SGMS1: variants seen among roughly 807,000 people sequenced by gnomAD.
SGMS1 encodes phosphatidylcholine:ceramide cholinephosphotransferase 1.
Under a neutral mutation model 46.2 loss-of-function variants are expected in SGMS1, and 13 were observed. The observed-to-expected ratio is 0.28, with a 90% CI of 0.18 to 0.45. The LOEUF (loss-of-function observed/expected upper bound fraction) is 0.45. SGMS1 is among the 20% of genes least tolerant of loss of function. SGMS1 has a pLI of 1.00. For synonymous variants in SGMS1, 203 were observed against 187.8 expected, an observed-to-expected ratio of 1.08 and a Z score of -0.66; for missense variants, 324 against 519.9, an observed-to-expected ratio of 0.62 and a Z score of 3.66.
intron 6 of SGMS1, among the ~76,000 whole-genome samples, chr10:50,355,991 C>T (rs549902653): frequency 8.5e-5 from 13 of 152,086 alleles, no homozygotes; most frequent in East Asian, 5.8e-4. Context: ...GGAGCCCCTC[C>T]GCTCGGCAGC....
In SGMS1 at chr10:50,509,648, T is replaced by C. The variant is rs143531374; in HGVS notation, c.-498+10183A>G. 1.3e-3 allele frequency among the ~76,000 whole-genome samples: 204 copies of C among 152,302 alleles called. 2 individuals carry two copies. The highest frequency in any genetic ancestry group is 4.8e-3 in the African/African-American group (199 of 41,570). On this transcript the variant is annotated intron_variant, in intron 3 of 10. Transcript: ENST00000361781. Reference sequence around the variant, plus strand: ...GAATCAGCAGCTTTTGTTTTAACCTTCCAGCAGCATTCTGTTTAACAAAGA... The same window carrying C: ...GAATCAGCAGCTTTTGTTTTAACCTCCCAGCAGCATTCTGTTTAACAAAGA...
chr10:50,455,722 G>C (rs1050190438), intron 5 of SGMS1, among the ~76,000 whole-genome samples: 1 of 152,174 alleles, frequency 6.6e-6, no homozygotes, highest in Non-Finnish European at 1.5e-5. Context: ...AATAGATAAT[G>C]AAGATTTCAC....
chr10:50,521,018 T>G (rs1456476243), intron 2 of SGMS1, among the ~76,000 whole-genome samples: 1 of 151,978 alleles, frequency 6.6e-6, no homozygotes, highest in Non-Finnish European at 1.5e-5. Context: ...AGCTAGGCCT[T>G]CTGGTGCATG....
chr10:50,407,248 G>A lies in SGMS1; in HGVS notation c.-232+26228C>T, dbSNP rs946404770. Among the ~76,000 whole-genome samples the A allele has an allele frequency of 2.6e-5, 4 of 152,130 alleles. No individual in the cohort carries two copies. In the East Asian group the frequency reaches 5.8e-4, roughly 22 times the overall value. ...TAAGTGATATATCATAGAATGTGCCGATAAAAATCTAGGTGAAGAAGTGGT... is the reference window on the plus strand; with the variant it reads ...TAAGTGATATATCATAGAATGTGCCAATAAAAATCTAGGTGAAGAAGTGGT... On this transcript the variant is annotated intron_variant, in intron 6 of 10. Coordinates refer to ENST00000361781, the MANE Select transcript of SGMS1 (RefSeq NM_147156.4).
chr10:50,623,496 GACCTCCC>G, intron 1 of SGMS1: 1 of 865,404 alleles, frequency 1.2e-6, no homozygotes, highest in Non-Finnish European at 1.4e-6. Flanking sequence ...CCGGCCGCCG[GACCTCCC>G]CGCTGTGACC....
At position 50,311,308 on chromosome 10, in the gene SGMS1, G is replaced by A. The variant is rs199743823; in HGVS notation, c.849C>T (p.Ser283=). 78 of 1,613,920 alleles carry A rather than the reference G, an allele frequency of 4.8e-5. No homozygotes were observed. The East Asian group carries it at 8.5e-4, about 18-fold the overall frequency. ...TAAGTGTTAGCATGACCGTGTGGCC[G>A]CTGTACAGATAGTCCCCACACATGT... ...SHNMCGDYLY[S]GHTVMLTLTY... The change falls in exon 9 of 11, where the codon AGC becomes AGT. Residue 283 remains serine (S), a synonymous_variant. Transcript: ENST00000361781.
intron 3 of SGMS1, among the ~76,000 whole-genome samples, chr10:50,511,612 G>T (rs968456713): frequency 6.6e-6 from 1 of 152,092 alleles, no homozygotes; most frequent in Non-Finnish European, 1.5e-5. Context: ...ACACCCATAG[G>T]CCTATTTCTG....
intron 3 of SGMS1, among the ~76,000 whole-genome samples, chr10:50,468,234 T>C (rs1490462643): frequency 6.6e-6 from 1 of 152,196 alleles, no homozygotes; most frequent in Non-Finnish European, 1.5e-5. Context: ...TGTAAACAGT[T>C]AGTGGGTGAA....
chr10:50,541,937 T>C (rs1165364140), intron 2 of SGMS1, among the ~76,000 whole-genome samples: 1 of 152,224 alleles, frequency 6.6e-6, no homozygotes, highest in East Asian at 1.9e-4. Flanking sequence ...TTTGATTTTT[T>C]TCCTGCCAAC....
chr10:50,524,506 T>A (rs1445873243), intron 2 of SGMS1, among the ~76,000 whole-genome samples: 3 of 152,234 alleles, frequency 2.0e-5, no homozygotes, highest in Non-Finnish European at 4.4e-5. Context: ...CATTCAAAGC[T>A]GGGTTAGTGC....
intron 7 of SGMS1, among the ~76,000 whole-genome samples, chr10:50,337,319 T>C (rs1017296902): frequency 2.0e-5 from 3 of 152,186 alleles, no homozygotes; most frequent in Admixed American, 2.0e-4. Flanking sequence ...AAAAATGTTC[T>C]GAAGCTCCAT....
intron 3 of SGMS1, among the ~76,000 whole-genome samples, chr10:50,470,006 C>G (rs1275413092): frequency 6.6e-6 from 1 of 152,198 alleles, no homozygotes; most frequent in African/African-American, 2.4e-5. Context: ...GATTGATCAA[C>G]AGGCAGTGGT....
intron 2 of SGMS1, among the ~76,000 whole-genome samples, chr10:50,559,435 T>C: frequency 6.6e-6 from 1 of 152,340 alleles, no homozygotes; most frequent in Middle Eastern, 3.4e-3. Flanking sequence ...TAGATACTCA[T>C]GCTGCTTTGG....
intron 2 of SGMS1, among the ~76,000 whole-genome samples, chr10:50,526,248 C>A (rs1231799742): frequency 2.0e-5 from 3 of 152,162 alleles, no homozygotes; most frequent in Non-Finnish European, 4.4e-5. Flanking sequence ...GAAAGGGAAG[C>A]AAGCACCTTC....
At chr10:50,526,511 GA>G (rs761258249) in intron 2 of SGMS1, among the ~76,000 whole-genome samples, 8 of 152,142 alleles carry the variant, frequency 5.3e-5, no homozygotes, top group Non-Finnish European at 8.8e-5. Flanking sequence ...TGACTACAGG[GA>G]TAAGACCAAT....
At chr10:50,318,827 A>T (rs1346058777) in intron 8 of SGMS1, among the ~76,000 whole-genome samples, 2 of 152,160 alleles carry the variant, frequency 1.3e-5, no homozygotes. Context: ...AAATGTACTC[A>T]TCAATTCCTA....
chr10:50,600,108 G>C (rs1313747011), intron 1 of SGMS1, among the ~76,000 whole-genome samples: 1 of 152,144 alleles, frequency 6.6e-6, no homozygotes, highest in Non-Finnish European at 1.5e-5. Flanking sequence ...CAGAGGATTG[G>C]GGAAATTAAC....
chr10:50,467,884 A>T (rs1224152688), intron 3 of SGMS1, among the ~76,000 whole-genome samples: 1 of 152,178 alleles, frequency 6.6e-6, no homozygotes, highest in African/African-American at 2.4e-5. Flanking sequence ...TATGAGGTCA[A>T]TCTGCCAGTT....
chr10:50,468,008 A>C (rs762225964), intron 3 of SGMS1, among the ~76,000 whole-genome samples: 55 of 152,288 alleles, frequency 3.6e-4, no homozygotes, highest in South Asian at 3.3e-3. Flanking sequence ...AGGCAGGAGC[A>C]GAGGGGAGAG....
Sources: gnomAD v4.1 joint callset for allele counts (sites outside exome capture counted in the v4.1 genomes callset) on GRCh38, gnomAD v4.1.1 for gene constraint, MANE v1.5 for transcripts, NCBI Gene and HGNC (gene_info 2026-07-23, HGNC 2026-07-21) for gene names.